Variants in ZMYND8 observed in about 807,000 individuals in gnomAD.
ZMYND8 encodes zinc finger MYND-type containing 8.
Under a neutral mutation model 140.8 loss-of-function variants are expected in ZMYND8, and 37 were observed. That is an observed-to-expected ratio of 0.26 (90% CI 0.20 to 0.35). ZMYND8 has a LOEUF of 0.35. ZMYND8 is among the 10% of genes least tolerant of loss of function. The probability of loss-of-function intolerance (pLI) is 1.00; values close to 1 mark genes in which losing one functional copy is unlikely to be tolerated. For missense variants in ZMYND8, 1,068 were observed against 1,570.0 expected (o/e 0.68, Z 5.40); for synonymous variants, 592 against 597.1 (o/e 0.99, Z 0.12).
chr20:47,232,886 T>C (rs1006504979), intron 16 of ZMYND8, among the ~76,000 whole-genome samples: 3 of 109,062 alleles, frequency 2.8e-5, no homozygotes, highest in Admixed American at 1.0e-4. Context: ...ACCTCCCCCA[T>C]GTTTTTTTTT....
intron 1 of ZMYND8, 35 bp from the exon 2 acceptor site, chr20:47,347,961 G>T: frequency 6.2e-7 from 1 of 1,609,462 alleles, no homozygotes; most frequent in Middle Eastern, 1.7e-4. Context: ...TGTTTAGGAA[G>T]GCTGAGAACT....
rs772590663 is a variant in ZMYND8, at chr20:47,276,687, G to A, written c.1107C>T (p.Tyr369=). Reference sequence around the variant, plus strand: ...CAAACTTCCTGCGGATGTTCTCCACGTAAACCTCCATCTCTTGCATGGCAC... The same window carrying A: ...CAAACTTCCTGCGGATGTTCTCCACATAAACCTCCATCTCTTGCATGGCAC... ...FNSAMQEMEV[Y]VENIRRKFGV... The change falls in exon 11 of 23, where the codon TAC becomes TAT. Residue 369 remains tyrosine (Y), a synonymous_variant. Coordinates refer to ENST00000471951, the MANE Select transcript of ZMYND8 (RefSeq NM_001281775.3). 1.3e-5 allele frequency: 21 copies of A among 1,613,758 alleles called. No individual in the cohort carries two copies. Among genetic ancestry groups the A allele is most frequent in the Middle Eastern group, 1.6e-4 (1 of 6,084 alleles).
At chr20:47,331,588 C>T (rs535511603) in intron 2 of ZMYND8, among the ~76,000 whole-genome samples, 1 of 152,244 alleles carries the variant, frequency 6.6e-6, no homozygotes, top group South Asian at 2.1e-4. Context: ...AGAGAAGGAA[C>T]GTGCTAGGCG....
At chr20:47,328,385 G>T (rs2080629469) in intron 2 of ZMYND8, among the ~76,000 whole-genome samples, 1 of 152,076 alleles carries the variant, frequency 6.6e-6, no homozygotes, top group Admixed American at 6.6e-5. Flanking sequence ...GTATACTTTG[G>T]CTTGTTGTCA....
At chr20:47,325,886 C>A (rs529174862) in intron 2 of ZMYND8, among the ~76,000 whole-genome samples, 5 of 152,256 alleles carry the variant, frequency 3.3e-5, no homozygotes, top group African/African-American at 1.2e-4. Context: ...ATTCTCCTGC[C>A]TCAGCCTCCT....
intron 16 of ZMYND8, among the ~76,000 whole-genome samples, chr20:47,230,522 G>A (rs779340364): frequency 6.6e-6 from 1 of 151,850 alleles, no homozygotes; most frequent in East Asian, 1.9e-4. Flanking sequence ...TTGAACTCCC[G>A]ACCTCAAGTA....
At chr20:47,245,333 G>A (rs992202429) in intron 14 of ZMYND8, among the ~76,000 whole-genome samples, 2 of 151,992 alleles carry the variant, frequency 1.3e-5, no homozygotes, top group Non-Finnish European at 2.9e-5. Flanking sequence ...TGCAACCTCC[G>A]CCTCCTGGGT....
At chr20:47,291,910 G>A (rs757867735) in intron 5 of ZMYND8, 22 bp from the exon 6 acceptor site, 3 of 1,599,316 alleles carry the variant, frequency 1.9e-6, no homozygotes, top group East Asian at 2.2e-5. Context: ...AAGATATGCA[G>A]AGGAACGAAC....
chr20:47,210,726 C>T lies in ZMYND8; in HGVS notation c.*35G>A, dbSNP rs755722041. ...TTTTCCTGGCGTCTGGGTTTTTCTCCCAATGGGGTGGGTGGTTTGTGTCCC... is the reference window on the plus strand; with the variant it reads ...TTTTCCTGGCGTCTGGGTTTTTCTCTCAATGGGGTGGGTGGTTTGTGTCCC... On this transcript the variant is annotated 3_prime_UTR_variant, in exon 23 of 23. Transcript: ENST00000471951. 6.2e-7 allele frequency: 1 copy of T among 1,613,838 alleles called. No individual in the cohort carries two copies. The highest frequency in any genetic ancestry group is 2.2e-5 in the East Asian group (1 of 44,886).
At chr20:47,317,539 G>T (rs2079509017) in intron 2 of ZMYND8, among the ~76,000 whole-genome samples, 1 of 152,218 alleles carries the variant, frequency 6.6e-6, no homozygotes, top group African/African-American at 2.4e-5. Context: ...GGAGCTTCTT[G>T]TGTTTTTGTG....
chr20:47,285,066 T>A (rs1028129263), intron 8 of ZMYND8, among the ~76,000 whole-genome samples: 5 of 152,138 alleles, frequency 3.3e-5, no homozygotes, highest in African/African-American at 1.2e-4. Context: ...ATTAACTCAT[T>A]GTATTCCTTA....
At chr20:47,242,157 C>T (rs2040049144) in intron 14 of ZMYND8, among the ~76,000 whole-genome samples, 1 of 152,218 alleles carries the variant, frequency 6.6e-6, no homozygotes, top group African/African-American at 2.4e-5. Context: ...CAGAAAAAGA[C>T]ATGAGCCTGA....
At chr20:47,230,684 G>A (rs995535762) in intron 16 of ZMYND8, among the ~76,000 whole-genome samples, 1 of 152,086 alleles carries the variant, frequency 6.6e-6, no homozygotes, top group Admixed American at 6.6e-5. Context: ...CTTTATTGAG[G>A]TATATGCATA....
intron 12 of ZMYND8, among the ~76,000 whole-genome samples, chr20:47,255,100 A>C (rs1384495106): frequency 2.6e-5 from 4 of 152,280 alleles, no homozygotes; most frequent in South Asian, 4.1e-4. Context: ...CAGCCTGGGC[A>C]AACAGAGCGA....
At chr20:47,235,598 T>C (rs946971960) in intron 16 of ZMYND8, among the ~76,000 whole-genome samples, 5 of 151,942 alleles carry the variant, frequency 3.3e-5, no homozygotes, top group Non-Finnish European at 4.4e-5. Flanking sequence ...TCCCAGCTAC[T>C]TGGGAGGCTG....
At chr20:47,302,981 T>TAC (rs1262589373) in intron 3 of ZMYND8, among the ~76,000 whole-genome samples, 2 of 152,118 alleles carry the variant, frequency 1.3e-5, no homozygotes, top group Non-Finnish European at 2.9e-5. Context: ...GGTAGAAGCA[T>TAC]ACCTGGCTAG....
chr20:47,211,216 T>G (rs764113862), intron 22 of ZMYND8, among the ~76,000 whole-genome samples: 1 of 152,202 alleles, frequency 6.6e-6, no homozygotes, highest in Non-Finnish European at 1.5e-5. Context: ...CGTGTATCCT[T>G]ACTACATCAC....
chr20:47,282,185 C>T lies in ZMYND8; in HGVS notation c.915G>A (p.Leu305=). The T allele has an allele frequency of 5.0e-6, 8 of 1,614,114 alleles. No homozygotes were observed. The highest frequency in any genetic ancestry group is 6.8e-6 in the Non-Finnish European group (8 of 1,180,006). Residue 305 remains leucine (L), a synonymous_variant, in exon 10 of 23, where the codon CTG becomes CTA. Coordinates refer to ENST00000471951, the MANE Select transcript of ZMYND8 (RefSeq NM_001281775.3). ...SNPHPLVWAK[L]KGFPFWPAKA... ...TTGCAGGCCAGAATGGAAACCCCTTCAGTTTGGCCCAGACCAAAGGATGTG... is the reference window on the plus strand; with the variant it reads ...TTGCAGGCCAGAATGGAAACCCCTTTAGTTTGGCCCAGACCAAAGGATGTG...
At chr20:47,232,522 T>C (rs1364704666) in intron 16 of ZMYND8, among the ~76,000 whole-genome samples, 1 of 151,062 alleles carries the variant, frequency 6.6e-6, no homozygotes, top group Non-Finnish European at 1.5e-5. Context: ...AGACCCCAAC[T>C]CTAAAAAAAA....
Sources: allele counts gnomAD v4.1 joint callset (sites outside exome capture counted in the v4.1 genomes callset), GRCh38; gene constraint gnomAD v4.1.1; transcripts MANE v1.5; gene names NCBI Gene and HGNC (gene_info 2026-07-23, HGNC 2026-07-21).